The following NFATC2IP variants were observed in gnomAD, a reference collection of about 807,000 sequenced individuals.
NFATC2IP encodes the protein NFATC2-interacting protein.
In NFATC2IP, 25 loss-of-function variants were observed where a neutral mutation model predicts 40.2. The ratio of observed to expected loss-of-function variants is 0.62; its 90% confidence interval spans 0.45 to 0.87. NFATC2IP has a LOEUF of 0.87. NFATC2IP is among the 40% of genes least tolerant of loss of function. The probability of loss-of-function intolerance (pLI) is 0.00; values close to 1 mark genes in which losing one functional copy is unlikely to be tolerated. For missense variants in NFATC2IP, 553 were observed against 555.6 expected (o/e 1.00, Z 0.05); for synonymous variants, 241 against 236.3 (o/e 1.02, Z -0.18).
chr16:28,956,202 A>C lies in NFATC2IP; in HGVS notation c.711A>C (p.Pro237=). The part of the protein sequence containing the change: ...QDLRSCLSPK[P]PQGQEQQGQE... ...TCCGTTCCTGTCTGAGCCCCAAGCC[A>C]CCTCAGGGTCAAGAGCAACAGGGCC... is the stretch of plus-strand genomic sequence containing the variant. Residue 237 remains proline (P), a synonymous_variant, in exon 5 of 8, where the codon CCA becomes CCC. Transcript: ENST00000320805. 6.2e-7 allele frequency: 1 copy of C among 1,613,732 alleles called. No homozygotes were observed. The highest frequency in any genetic ancestry group is 8.5e-7 in the Non-Finnish European group (1 of 1,179,918).
chr16:28,955,865 A>G lies in NFATC2IP; in HGVS notation c.579-113A>G, dbSNP rs1309141361. 5 of 832,496 alleles carry G rather than the reference A, an allele frequency of 6.0e-6. No homozygotes were observed. In the East Asian group the frequency reaches 1.2e-4, roughly 20 times the overall value. The allele number at this position is 832,496 out of a possible 1,614,324, so 51.6% of individuals were successfully genotyped here. A position where few individuals can be genotyped will look rare whatever the true frequency, so the allele number is the denominator to read the frequency against. On this transcript the variant is annotated intron_variant, in intron 3 of 7. Coordinates refer to ENST00000320805, the MANE Select transcript of NFATC2IP (RefSeq NM_032815.4). ...CAGCCTCCAAAAGTGCTGGGATTACAGGTGTGAGCCATTGCGTCCGACTAT... is the reference window on the plus strand; with the variant it reads ...CAGCCTCCAAAAGTGCTGGGATTACGGGTGTGAGCCATTGCGTCCGACTAT...
At chr16:28,960,183 A>G (rs1204754937) in intron 7 of NFATC2IP, among the ~76,000 whole-genome samples, 1 of 151,988 alleles carries the variant, frequency 6.6e-6, no homozygotes, top group Non-Finnish European at 1.5e-5. Context: ...GGCTAGCCCC[A>G]CTCTAACCAA....
chr16:28,964,541 C>G lies in NFATC2IP; in HGVS notation c.*678C>G, dbSNP rs1268141211. Reference sequence around the variant, plus strand: ...TTAAGGCATAACAGCACATTCATCCCTTTGGTTTGGGATCTCAGGAATACA... The same window carrying G: ...TTAAGGCATAACAGCACATTCATCCGTTTGGTTTGGGATCTCAGGAATACA... On this transcript the variant is annotated 3_prime_UTR_variant, in exon 8 of 8. Coordinates refer to ENST00000320805, the MANE Select transcript of NFATC2IP (RefSeq NM_032815.4). 2.6e-5 allele frequency: 4 copies of G among 152,334 alleles called. No individual in the cohort carries two copies. The highest frequency in any genetic ancestry group is 5.9e-5 in the Non-Finnish European group (4 of 68,060). The allele number at this position is 152,334 out of a possible 1,614,324, so 9.4% of individuals were successfully genotyped here.
chr16:28,966,564 A>G lies in NFATC2IP; in HGVS notation c.*2701A>G, dbSNP rs1275637185. 6.7e-6 allele frequency: 1 copy of G among 148,768 alleles called. No individual in the cohort carries two copies. The highest frequency in any genetic ancestry group is 2.5e-5 in the African/African-American group (1 of 40,262). 9.2% of individuals were successfully genotyped at this position (148,768 alleles called of 1,614,324 possible). ...ACCGGAGGTTAGGAATTCAAGACTG[A>G]AACCTTGTCTCTACTGAAAATACAA... is the stretch of plus-strand genomic sequence containing the variant. On this transcript the variant is annotated 3_prime_UTR_variant, in exon 8 of 8. Transcript: ENST00000320805.
intron 7 of NFATC2IP, among the ~76,000 whole-genome samples, chr16:28,961,189 A>G (rs1190983993): frequency 1.3e-5 from 2 of 151,922 alleles, no homozygotes; most frequent in South Asian, 2.1e-4. Flanking sequence ...TTAGCCCAGC[A>G]TGCTGGCGCA....
chr16:28,951,362 G>C lies in NFATC2IP; in HGVS notation c.351G>C (p.Pro117=). The C allele has an allele frequency of 7.1e-7, 1 of 1,409,874 alleles. No individual in the cohort carries two copies. The highest frequency in any genetic ancestry group is 9.2e-7 in the Non-Finnish European group (1 of 1,084,106). The allele number at this position is 1,409,874 out of a possible 1,614,324, so 87.3% of individuals were successfully genotyped here. The change falls in exon 1 of 8, where the codon CCG becomes CCC. Residue 117 remains proline (P), a synonymous_variant. Coordinates refer to ENST00000320805, the MANE Select transcript of NFATC2IP (RefSeq NM_032815.4). ...GGCGGCGGCGGCTGGTGCTGGATCC[G>C]GGGGAGGCGCCGCTGGTTCCGGTGT... ...VRRRRRLVLD[P]GEAPLVPVYS... is the part of the protein sequence containing the mutation.
In NFATC2IP at chr16:28,958,675, C is replaced by T. The variant is rs369034572; in HGVS notation, c.847-42C>T. ...GTGGTGTGGCTGGGGGCATGGATTTCAAGGCAGGAAGACCTCTTTTGCTTG... is the reference window on the plus strand; with the variant it reads ...GTGGTGTGGCTGGGGGCATGGATTTTAAGGCAGGAAGACCTCTTTTGCTTG... On this transcript the variant is annotated intron_variant, in intron 5 of 7. Coordinates refer to ENST00000320805, the MANE Select transcript of NFATC2IP (RefSeq NM_032815.4). The T allele has an allele frequency of 1.2e-4, 182 of 1,570,680 alleles. 1 individual carries two copies. The highest frequency in any genetic ancestry group is 1.5e-4 in the Non-Finnish European group (168 of 1,154,596).
Position 28,956,142 on chromosome 16 carries a change from G to A in NFATC2IP, c.660-9G>A. 1 of 1,613,986 alleles carries A rather than the reference G, an allele frequency of 6.2e-7. No individual in the cohort carries two copies. The highest frequency in any genetic ancestry group is 8.5e-7 in the Non-Finnish European group (1 of 1,179,912). On this transcript the variant is annotated splice_polypyrimidine_tract_variant and intron_variant, in intron 4 of 7. Transcript: ENST00000320805. ...CTCCAGTTGACCCAGAGTCCTGTCT[G>A]CACTGCAGTGAGGTGAACAAGCGCC...
chr16:28,954,730 G>C (rs1300492793), intron 3 of NFATC2IP, 48 bp downstream of exon 3: 2 of 1,233,794 alleles, frequency 1.6e-6, no homozygotes, highest in East Asian at 2.3e-5. Context: ...AAGTGAGTTG[G>C]AGGGGTAAGC....
rs1776078587 is a variant in NFATC2IP at position 28,951,503 on chromosome 16, G to C, written c.387+105G>C. 3.5e-6 allele frequency: 4 copies of C among 1,129,178 alleles called. No homozygotes were observed. The Admixed American group carries it at 1.6e-4, about 44-fold the overall frequency. The allele number at this position is 1,129,178 out of a possible 1,614,324, so 69.9% of individuals were successfully genotyped here. A position where few individuals can be genotyped will look rare whatever the true frequency, so the allele number is the denominator to read the frequency against. On this transcript the variant is annotated intron_variant, in intron 1 of 7. Transcript: ENST00000320805. Reference sequence around the variant, plus strand: ...TAGGGCTATAGGGGTGTTGAGGCTGGCGTTCTGGGGCTGGTCCTCGGGCGT... The same window carrying C: ...TAGGGCTATAGGGGTGTTGAGGCTGCCGTTCTGGGGCTGGTCCTCGGGCGT...
In NFATC2IP at chr16:28,958,590, TATG is replaced by T. The variant is rs574980254; in HGVS notation, c.847-122_847-120del. On this transcript the variant is annotated intron_variant, in intron 5 of 7. Coordinates refer to ENST00000320805, the MANE Select transcript of NFATC2IP (RefSeq NM_032815.4). ...TTTATTCTATACCTTGCCAGGTAAA[TATG>T]ATGAAACTCACAGCTGAGGAGCTTA... is the stretch of plus-strand genomic sequence containing the variant. 2.3e-3 allele frequency: 1,781 copies of T among 784,934 alleles called. 33 individuals carry two copies. The South Asian group carries it at 0.029, about 13-fold the overall frequency. 48.6% of individuals were successfully genotyped at this position (784,934 alleles called of 1,614,324 possible).
In NFATC2IP at chr16:28,955,963, C is replaced by G. The variant is rs1480930125; in HGVS notation, c.579-15C>G. On this transcript the variant is annotated splice_polypyrimidine_tract_variant and intron_variant, in intron 3 of 7. Coordinates refer to ENST00000320805, the MANE Select transcript of NFATC2IP (RefSeq NM_032815.4). ...CTCTCCATTGCCTCCGTCCTGCTGT[C>G]TCTTGCTTCTACAGGGATCTGGACA... 1 of 1,603,984 alleles carries G rather than the reference C, an allele frequency of 6.2e-7. No homozygotes were observed. The highest frequency in any genetic ancestry group is 8.5e-7 in the Non-Finnish European group (1 of 1,171,024).
chr16:28,960,932 C>T (rs1184275748), intron 7 of NFATC2IP, among the ~76,000 whole-genome samples: 1 of 152,188 alleles, frequency 6.6e-6, no homozygotes, highest in Non-Finnish European at 1.5e-5. Context: ...CTCTGCACCT[C>T]TCCTCTTTGT....
chr16:28,955,610 A>T (rs113897015), intron 3 of NFATC2IP, among the ~76,000 whole-genome samples: 200 of 152,064 alleles, frequency 1.3e-3, no homozygotes, highest in Admixed American at 2.2e-3. Context: ...GTATTTTTAC[A>T]TTTTTAGAGA....
chr16:28,956,357 G>A lies in NFATC2IP; in HGVS notation c.846+20G>A. On this transcript the variant is annotated intron_variant, in intron 5 of 7. Coordinates refer to ENST00000320805, the MANE Select transcript of NFATC2IP (RefSeq NM_032815.4). ...AGGATGGTGAGTGCCTGAGGCCCAT[G>A]GGAGAAGGACCCAGGAGCTGCTTCT... The A allele has an allele frequency of 6.2e-7, 1 of 1,602,772 alleles. No homozygotes were observed. The highest frequency in any genetic ancestry group is 8.5e-7 in the Non-Finnish European group (1 of 1,171,512).
chr16:28,954,660 G>A lies in NFATC2IP; in HGVS notation c.556G>A (p.Glu186Lys). 6.2e-7 allele frequency: 1 copy of A among 1,613,386 alleles called. No homozygotes were observed. Among genetic ancestry groups the A allele is most frequent in the East Asian group, 2.2e-5 (1 of 44,866 alleles). ...AAAGCTGAGGACTAAGGATAAAGAA[G>A]AGAAGAAAAAGACAGAGTTTCTGTG... The part of the protein sequence containing the change: ...KTKLRTKDKE[E>K]KKKTEFLDLD... The change falls in exon 3 of 8, where the codon GAG becomes AAG. Residue 186 changes from glutamate to lysine, a missense_variant. Physicochemically the swap from Glu to Lys is moderately conservative, Grantham distance 56. Transcript: ENST00000320805.
At chr16:28,962,632 T>C (rs1222152405) in intron 7 of NFATC2IP, among the ~76,000 whole-genome samples, 6 of 152,134 alleles carry the variant, frequency 3.9e-5, no homozygotes, top group Non-Finnish European at 7.4e-5. Context: ...AGTCAACTCA[T>C]TAGCATGCAA....
intron 5 of NFATC2IP, 75 bp downstream of exon 5, chr16:28,956,412 C>A: frequency 8.7e-7 from 1 of 1,152,062 alleles, no homozygotes; most frequent in Non-Finnish European, 1.3e-6. Flanking sequence ...GCAGGGGTGT[C>A]CTGGCAGAAG....
At chr16:28,963,639 T>A (rs1965112360) in intron 7 of NFATC2IP, 66 bp from the exon 8 acceptor site, 5 of 1,463,388 alleles carry the variant, frequency 3.4e-6, no homozygotes, top group Non-Finnish European at 4.7e-6. Context: ...AAGTTCCTCG[T>A]CTATCCCTAC....
Sources: allele counts gnomAD v4.1 joint callset (sites outside exome capture counted in the v4.1 genomes callset), GRCh38; gene constraint gnomAD v4.1.1; transcripts MANE v1.5; gene names NCBI Gene and HGNC (gene_info 2026-07-23, HGNC 2026-07-21).